The following WDR27 variants were observed in gnomAD, a reference collection of about 807,000 sequenced individuals.
WDR27 encodes WD repeat domain 27.
A neutral mutation model predicts 114.4 loss-of-function variants in WDR27; 100 were observed. The observed-to-expected ratio is 0.87, with a 90% CI of 0.74 to 1.03. The LOEUF (loss-of-function observed/expected upper bound fraction) is 1.03. WDR27 is among the 50% of genes least tolerant of loss of function. The pLI is 0.00. For missense variants in WDR27, 1,129 were observed against 1,092.9 expected (o/e 1.03, Z -0.47); for synonymous variants, 449 against 423.1 (o/e 1.06, Z -0.75).
At chr6:169,607,425 T>C (rs61193059) in intron 22 of WDR27, among the ~76,000 whole-genome samples, 3,003 of 11,782 alleles carry the variant, frequency 0.25, 77 homozygotes, top group South Asian at 0.38. Flanking sequence ...CACACACACA[T>C]ATAATATAAT....
intron 22 of WDR27, 76 bp from the exon 23 acceptor site, chr6:169,602,397 T>A: frequency 1.1e-6 from 1 of 942,408 alleles, no homozygotes; most frequent in Non-Finnish European, 1.6e-6. Flanking sequence ...GAAAACAACT[T>A]GTTGCTTTTC....
At chr6:169,477,475 G>C (rs981822534) in intron 25 of WDR27, among the ~76,000 whole-genome samples, 10 of 152,288 alleles carry the variant, frequency 6.6e-5, no homozygotes, top group Non-Finnish European at 1.3e-4. Context: ...GTCTGGCTCT[G>C]TTGACCAGGC....
chr6:169,617,245 C>A (rs1812056514), intron 21 of WDR27, among the ~76,000 whole-genome samples: 1 of 152,126 alleles, frequency 6.6e-6, no homozygotes, highest in African/African-American at 2.4e-5. Context: ...AAGGGAAAAG[C>A]CGGCATGTGG....
chr6:169,495,254 G>A (rs534387719), intron 25 of WDR27, among the ~76,000 whole-genome samples: 1 of 152,158 alleles, frequency 6.6e-6, no homozygotes, highest in Admixed American at 6.5e-5. Flanking sequence ...TATAAGGTTA[G>A]TATTTCTTGT....
At chr6:169,693,396 A>G (rs528926024) in intron 1 of WDR27, among the ~76,000 whole-genome samples, 1 of 152,334 alleles carries the variant, frequency 6.6e-6, no homozygotes, top group African/African-American at 2.4e-5. Flanking sequence ...TTAAAACGTA[A>G]ATCTCACAGG....
intron 19 of WDR27, among the ~76,000 whole-genome samples, chr6:169,635,654 G>C (rs139322766): frequency 6.6e-6 from 1 of 152,210 alleles, no homozygotes; most frequent in African/African-American, 2.4e-5. Context: ...GTCCCAACCC[G>C]ATGTCCCTCC....
chr6:169,467,580 G>T (rs954618569), intron 25 of WDR27, among the ~76,000 whole-genome samples: 3 of 152,218 alleles, frequency 2.0e-5, no homozygotes, highest in Non-Finnish European at 2.9e-5. Context: ...TGAGCTGTAT[G>T]TTGGCCCCTT....
intron 6 of WDR27, chr6:169,666,926 C>G (rs3800546): frequency 0.29 from 285,679 of 985,188 alleles, 46,432 homozygotes; most frequent in East Asian, 0.94. Context: ...CTCCAAGCAT[C>G]CATTTAATTT....
At chr6:169,689,475 A>G (rs1562941161) in intron 1 of WDR27, among the ~76,000 whole-genome samples, 1 of 152,238 alleles carries the variant, frequency 6.6e-6, no homozygotes, top group Admixed American at 6.5e-5. Context: ...GGAAACTGCA[A>G]TTGGAACCCG....
rs368800707 is a variant in WDR27 at position 169,462,490 on chromosome 6, G to GAGAA, written c.2646-4860_2646-4857dup. The stretch of plus-strand genomic sequence containing the variant: ...AGGGAGGAGAGGGGGGAGAGAGAGA[G>GAGAA]AGAAAGAAAGAAAGAAAGAAAGAGT... On this transcript the variant is annotated intron_variant, in intron 25 of 25. Transcript: ENST00000448612. Among the ~76,000 whole-genome samples the GAGAA allele has an allele frequency of 9.9e-4, 149 of 149,958 alleles. 1 individual carries two copies. The highest frequency in any genetic ancestry group is 2.7e-3 in the East Asian group (14 of 5,126).
At chr6:169,507,548 T>C (rs960241100) in intron 25 of WDR27, among the ~76,000 whole-genome samples, 1 of 152,128 alleles carries the variant, frequency 6.6e-6, no homozygotes, top group African/African-American at 2.4e-5. Flanking sequence ...AGCTCCTAGA[T>C]CCCTCACCCA....
intron 25 of WDR27, among the ~76,000 whole-genome samples, chr6:169,470,567 G>C (rs542412001): frequency 3.3e-5 from 5 of 152,328 alleles, no homozygotes; most frequent in African/African-American, 1.2e-4. Context: ...ACATTCTGGT[G>C]AGGACTTGCG....
chr6:169,614,653 A>AC (rs1584595496), intron 21 of WDR27, among the ~76,000 whole-genome samples: 1 of 151,512 alleles, frequency 6.6e-6, no homozygotes, highest in African/African-American at 2.4e-5. Flanking sequence ...ACACCACTGC[A>AC]CTCCAGCCTG....
At chr6:169,681,223 C>A (rs187774539) in intron 2 of WDR27, among the ~76,000 whole-genome samples, 2 of 152,300 alleles carry the variant, frequency 1.3e-5, no homozygotes, top group Admixed American at 6.5e-5. Flanking sequence ...CTACTGAATG[C>A]AGGAACATGG....
At position 169,678,229 on chromosome 6, in the gene WDR27, A is replaced by C. The variant is rs556121970; in HGVS notation, c.190-5833T>G. 5.3e-5 allele frequency among the ~76,000 whole-genome samples: 8 copies of C among 152,344 alleles called. No individual in the cohort carries two copies. The East Asian group carries it at 1.4e-3, about 26-fold the overall frequency. On this transcript the variant is annotated intron_variant, in intron 2 of 25. Transcript: ENST00000448612. The stretch of plus-strand genomic sequence containing the variant: ...CCAGTGAAAGCAGCCACAAGGGCTG[A>C]ACCTTGCAAAGCCACAGGGACAGAG...
In WDR27 at chr6:169,659,209, T is replaced by G; in HGVS notation, c.1198-2A>C. On this transcript the variant is annotated splice_acceptor_variant, in intron 11 of 25. Transcript: ENST00000448612. LOFTEE classifies it high-confidence loss of function. This position sits in a 1 kb window ranked among gnomAD's most constrained non-coding sequence, Gnocchi z 4.3. ...GAGGGAGGCCAGCAAGCACAGCACC[T>G]GCAGGGACGCGGTTTCAACATCGTT... 6.3e-7 allele frequency: 1 copy of G among 1,592,788 alleles called. No individual in the cohort carries two copies. The highest frequency in any genetic ancestry group is 8.5e-7 in the Non-Finnish European group (1 of 1,171,756).
At chr6:169,638,779 G>A in intron 17 of WDR27, 119 bp from the exon 18 acceptor site, 1 of 1,284,464 alleles carries the variant, frequency 7.8e-7, no homozygotes, top group Non-Finnish European at 1.1e-6. Context: ...AAGTAATTAG[G>A]GGCGCGCCAG....
At chr6:169,618,926 T>C (rs895889468) in intron 21 of WDR27, among the ~76,000 whole-genome samples, 2 of 152,220 alleles carry the variant, frequency 1.3e-5, no homozygotes, top group Non-Finnish European at 2.9e-5. Context: ...CCTTACACTC[T>C]TTCCCTTTCA....
At chr6:169,469,581 T>C (rs1212257832) in intron 25 of WDR27, among the ~76,000 whole-genome samples, 1 of 152,176 alleles carries the variant, frequency 6.6e-6, no homozygotes, top group African/African-American at 2.4e-5. Context: ...TGAAACCAAA[T>C]GGGAATTAGC....
Sources: gnomAD v4.1 joint callset for allele counts (sites outside exome capture counted in the v4.1 genomes callset) on GRCh38, gnomAD v4.1.1 for gene constraint, Gnocchi (gnomAD v3.1) non-coding constraint, MANE v1.5 for transcripts, NCBI Gene and HGNC (gene_info 2026-07-23, HGNC 2026-07-21) for gene names.